The following PCTP variants were observed in gnomAD, a reference collection of about 807,000 sequenced individuals.
The protein encoded by PCTP is phosphatidylcholine transfer protein.
PCTP carries 27 observed loss-of-function variants against 31.0 expected under a neutral mutation model. The ratio of observed to expected loss-of-function variants is 0.87; its 90% confidence interval spans 0.64 to 1.20. The LOEUF (loss-of-function observed/expected upper bound fraction) is 1.20. Ranked by LOEUF, PCTP falls within the 50% of genes most tolerant of loss-of-function variation. The pLI, the probability that PCTP is intolerant of heterozygous loss-of-function variation, is 0.00. For synonymous variants in PCTP, 108 were observed against 101.2 expected (o/e 1.07, Z -0.40); for missense variants, 287 against 268.2 (o/e 1.07, Z -0.49).
downstream of PCTP, among the ~76,000 whole-genome samples, chr17:55,844,927 G>C (rs113877248): frequency 0.028 from 4,246 of 151,086 alleles, 175 homozygotes; most frequent in African/African-American, 0.09. Flanking sequence ...GTCTCTACTA[G>C]ATACAAAAAA....
intron 5 of PCTP, among the ~76,000 whole-genome samples, chr17:55,834,689 A>T (rs1226071647): frequency 6.6e-6 from 1 of 152,164 alleles, no homozygotes; most frequent in African/African-American, 2.4e-5. Context: ...CTGGAAAGTT[A>T]ACCTGATAGA....
chr17:55,845,073 C>A (rs368396473), downstream of PCTP, among the ~76,000 whole-genome samples: 12 of 99,666 alleles, frequency 1.2e-4, no homozygotes, highest in South Asian at 4.1e-3. Flanking sequence ...GGCAACAAGG[C>A]CAAAACTCCA....
chr17:55,840,520 G>A (rs11653143), intron 5 of PCTP, among the ~76,000 whole-genome samples: 17,971 of 152,200 alleles, frequency 0.12, 1,253 homozygotes, highest in East Asian at 0.35. Context: ...GTGCACATCC[G>A]TGATTTTGTT....
chr17:55,771,259 G>A, intron 3 of PCTP, 74 bp downstream of exon 3: 1 of 1,166,764 alleles, frequency 8.6e-7, no homozygotes, highest in African/African-American at 1.5e-5. Context: ...GTCTATTGCA[G>A]AGAGGTAGAG....
chr17:55,834,365 C>G (rs1452212211), intron 5 of PCTP, among the ~76,000 whole-genome samples: 1 of 152,110 alleles, frequency 6.6e-6, no homozygotes, highest in Non-Finnish European at 1.5e-5. Context: ...TGCTCCACCC[C>G]CAACAGGCCT....
chr17:55,851,715 TCTGA>T, the PCTP span, among the ~76,000 whole-genome samples: 3 of 152,204 alleles, frequency 2.0e-5, no homozygotes, highest in Non-Finnish European at 4.4e-5. Flanking sequence ...TTATTTTTTT[TCTGA>T]CTATGTTTTT....
At chr17:55,831,530 G>A (rs879840953) in intron 5 of PCTP, among the ~76,000 whole-genome samples, 3 of 152,160 alleles carry the variant, frequency 2.0e-5, no homozygotes, top group Admixed American at 2.0e-4. Flanking sequence ...TAGTATTTGC[G>A]AAAGGGTGTT....
chr17:55,799,345 G>T (rs1192068497), intron 3 of PCTP, among the ~76,000 whole-genome samples: 1 of 150,890 alleles, frequency 6.6e-6, no homozygotes, highest in African/African-American at 2.4e-5. Context: ...TTTAAAGTTT[G>T]CTTTATCAGA....
At chr17:55,767,288 C>T in intron 1 of PCTP, 47 bp from the exon 2 acceptor site, 1 of 1,221,898 alleles carries the variant, frequency 8.2e-7, no homozygotes. Flanking sequence ...GCAGCTTTCT[C>T]TCAACTTGGG....
chr17:55,810,442 G>T (rs9909144), intron 3 of PCTP, among the ~76,000 whole-genome samples: 57,106 of 152,138 alleles, frequency 0.38, 16,619 homozygotes, highest in African/African-American at 0.82. Flanking sequence ...TCTAGAGCCC[G>T]GGCTTTCCCA....
intron 3 of PCTP, among the ~76,000 whole-genome samples, chr17:55,807,543 A>G (rs1320280598): frequency 6.6e-6 from 1 of 152,184 alleles, no homozygotes; most frequent in Non-Finnish European, 1.5e-5. Context: ...TGCCTTATAT[A>G]AAACAGTAAA....
chr17:55,819,010 C>CAAAAAAAGAAAAA, intron 3 of PCTP, among the ~76,000 whole-genome samples: 1 of 51,110 alleles, frequency 2.0e-5, no homozygotes, highest in Non-Finnish European at 3.7e-5. Context: ...GGAAAGAAAT[C>CAAAAAAAGAAAAA]AAAAAAAAAA....
rs370129344 is a variant in PCTP, at chr17:55,765,648, A to G, written c.142-1687A>G. Among the ~76,000 whole-genome samples the G allele has an allele frequency of 1.4e-4, 21 of 152,334 alleles. 2 individuals are homozygous for G. The highest frequency in any genetic ancestry group is 9.1e-4 in the Admixed American group (14 of 15,302). On this transcript the variant is annotated intron_variant, in intron 1 of 5. Coordinates refer to ENST00000268896, the MANE Select transcript of PCTP (RefSeq NM_021213.4). ...ATCTATTTTCTACCAAGCAGCAAGA[A>G]TCACCTTTAAAAAATTAATTTGATT... is the stretch of plus-strand genomic sequence containing the variant.
At chr17:55,850,704 G>GA in the PCTP span, among the ~76,000 whole-genome samples, 1 of 152,090 alleles carries the variant, frequency 6.6e-6, no homozygotes, top group Non-Finnish European at 1.5e-5. Flanking sequence ...CTCAGTAGCA[G>GA]AAAAATGACT....
intron 2 of PCTP, chr17:55,769,545 A>G (rs1910863900): frequency 1.3e-5 from 2 of 152,170 alleles, no homozygotes; most frequent in South Asian, 4.1e-4. Flanking sequence ...AGGGAAAACA[A>G]CTGCTGAGTC....
chr17:55,779,354 A>G (rs923800236), downstream of PCTP, among the ~76,000 whole-genome samples: 2 of 152,248 alleles, frequency 1.3e-5, no homozygotes, highest in African/African-American at 4.8e-5. Flanking sequence ...TTTGAGGAGC[A>G]GAGGAGAACA....
intron 3 of PCTP, 130 bp downstream of exon 3, chr17:55,771,315 G>A: frequency 1.4e-6 from 1 of 716,352 alleles, no homozygotes; most frequent in South Asian, 1.7e-5. Context: ...GATTCTTGCA[G>A]CAGCATTTGC....
intron 1 of PCTP, among the ~76,000 whole-genome samples, chr17:55,757,164 T>C (rs2144912265): frequency 6.6e-6 from 1 of 151,848 alleles, no homozygotes; most frequent in Middle Eastern, 3.4e-3. Flanking sequence ...AAAGCATGCA[T>C]TGAGTGTGCA....
chr17:55,777,286 A>G lies in PCTP; in HGVS notation c.*1186A>G, dbSNP rs1007160308. The G allele has an allele frequency of 9.1e-6, 9 of 984,754 alleles. No homozygotes were observed. Among genetic ancestry groups the G allele is most frequent in the African/African-American group, 7.0e-5 (4 of 57,210 alleles). 61.0% of individuals were successfully genotyped at this position (984,754 alleles called of 1,614,324 possible). A position where few individuals can be genotyped will look rare whatever the true frequency, so the allele number is the denominator to read the frequency against. ...TCAGGATGTAAAGCCACAGAATGGG[A>G]TTTATTAATGTGGGATACCTCAGAC... is the stretch of plus-strand genomic sequence containing the variant. On this transcript the variant is annotated 3_prime_UTR_variant, in exon 6 of 6. Coordinates refer to ENST00000268896, the MANE Select transcript of PCTP (RefSeq NM_021213.4).
Sources: allele counts gnomAD v4.1 joint callset (sites outside exome capture counted in the v4.1 genomes callset), GRCh38; gene constraint gnomAD v4.1.1; transcripts MANE v1.5; gene names NCBI Gene and HGNC (gene_info 2026-07-23, HGNC 2026-07-21).